Variants in NPLOC4 observed in about 807,000 individuals in gnomAD.
The protein encoded by NPLOC4 is NPL4 homolog, ubiquitin recognition factor, also known as nuclear protein localization protein 4 homolog.
NPLOC4 carries 18 observed loss-of-function variants against 80.6 expected under a neutral mutation model. The ratio of observed to expected loss-of-function variants is 0.22; its 90% CI spans 0.15 to 0.33. The LOEUF (loss-of-function observed/expected upper bound fraction) is 0.33. Ranked by LOEUF, NPLOC4 falls within the 10% of genes least tolerant of loss-of-function variation. The pLI, the probability that NPLOC4 is intolerant of heterozygous loss-of-function variation, is 1.00. For missense variants in NPLOC4, 540 were observed against 786.1 expected, an observed-to-expected ratio of 0.69 and a Z score of 3.74; for synonymous variants, 313 against 301.5, an observed-to-expected ratio of 1.04 and a Z score of -0.39.
At chr17:81,613,240 A>C in intron 4 of NPLOC4, 78 bp downstream of exon 4, 1 of 1,278,064 alleles carries the variant, frequency 7.8e-7, no homozygotes, top group Non-Finnish European at 1.1e-6. Flanking sequence ...TTAAAACAAG[A>C]CATGTTATAA....
At chr17:81,610,618 C>T (rs189371173) in intron 4 of NPLOC4, among the ~76,000 whole-genome samples, 327 of 152,254 alleles carry the variant, frequency 2.1e-3, no homozygotes, top group African/African-American at 7.5e-3. Context: ...AACTGACCCG[C>T]ACATCAAACC....
chr17:81,567,331 G>T lies in NPLOC4; in HGVS notation c.1566+86C>A. On this transcript the variant is annotated intron_variant, in intron 15 of 16. Coordinates refer to ENST00000331134, the MANE Select transcript of NPLOC4 (RefSeq NM_017921.4). This position sits in a 1 kb window ranked among gnomAD's most constrained non-coding sequence, Gnocchi z 4.5. ...GACCCAGTTTCCCAATCATGCTCTG[G>T]TCTGGGAGGAAAGAAAGCAAGACAC... 3.7e-6 allele frequency: 3 copies of T among 815,574 alleles called. No homozygotes were observed. The highest frequency in any genetic ancestry group is 6.2e-6 in the Non-Finnish European group (3 of 483,006). 50.5% of individuals were successfully genotyped at this position (815,574 alleles called of 1,614,324 possible).
intron 9 of NPLOC4, among the ~76,000 whole-genome samples, chr17:81,598,060 A>G (rs1312448235): frequency 6.9e-6 from 1 of 144,666 alleles, no homozygotes; most frequent in Non-Finnish European, 1.5e-5. Flanking sequence ...GCGTCACTGC[A>G]CTCCAGCCTG....
intron 2 of NPLOC4, among the ~76,000 whole-genome samples, chr17:81,627,335 T>C (rs541029513): frequency 6.7e-4 from 99 of 148,818 alleles, no homozygotes; most frequent in African/African-American, 1.9e-3. Flanking sequence ...GAGCTTGCAG[T>C]GAGCCGAGAT....
intron 12 of NPLOC4, among the ~76,000 whole-genome samples, chr17:81,582,726 A>G (rs2034476601): frequency 6.6e-6 from 1 of 152,220 alleles, no homozygotes; most frequent in South Asian, 2.1e-4. Context: ...TTTAAAGGAA[A>G]AGACAGAAGA....
At chr17:81,630,929 T>C (rs1408507335) in intron 1 of NPLOC4, among the ~76,000 whole-genome samples, 1 of 151,934 alleles carries the variant, frequency 6.6e-6, no homozygotes, top group African/African-American at 2.4e-5. Context: ...TCCCAGCACT[T>C]TGGGAGGCCA....
In NPLOC4 at chr17:81,572,211, CAG is replaced by C. The variant is rs2034180371; in HGVS notation, c.1282-125_1282-124del. Reference sequence around the variant, plus strand: ...TTATTTATTTATTTATTTTTTGAGACAGAGTCTTGTGCTGTCGCCCAGGCTGG... The same window carrying C: ...TTATTTATTTATTTATTTTTTGAGACAGTCTTGTGCTGTCGCCCAGGCTGG... On this transcript the variant is annotated intron_variant, in intron 12 of 16. Coordinates refer to ENST00000331134, the MANE Select transcript of NPLOC4 (RefSeq NM_017921.4). The surrounding 1 kb of genome is among the most constrained non-coding windows in gnomAD (Gnocchi z 4.5). 3 of 441,228 alleles carry C rather than the reference CAG, an allele frequency of 6.8e-6. No homozygotes were observed. The highest frequency in any genetic ancestry group is 4.7e-5 in the East Asian group (1 of 21,302). The allele number at this position is 441,228 out of a possible 1,614,324, so 27.3% of individuals were successfully genotyped here.
chr17:81,606,888 G>C, intron 6 of NPLOC4, 74 bp from the exon 7 acceptor site: 1 of 1,405,740 alleles, frequency 7.1e-7, no homozygotes, highest in Non-Finnish European at 9.9e-7. Flanking sequence ...GACATGCTAA[G>C]TATCTTATAC....
At chr17:81,584,006 A>T (rs1011480400) in intron 12 of NPLOC4, among the ~76,000 whole-genome samples, 2 of 152,258 alleles carry the variant, frequency 1.3e-5, no homozygotes, top group African/African-American at 4.8e-5. Context: ...GCTATCCCAG[A>T]GTCCAGCTGT....
At chr17:81,574,329 C>A (rs2034235679) in intron 12 of NPLOC4, among the ~76,000 whole-genome samples, 1 of 152,180 alleles carries the variant, frequency 6.6e-6, no homozygotes, top group Non-Finnish European at 1.5e-5. Context: ...AACTACCCAA[C>A]TGCATCTTTT....
chr17:81,564,119 A>ACACACAC (rs1568114636), intron 16 of NPLOC4: 9 of 164,590 alleles, frequency 5.5e-5, no homozygotes, highest in Non-Finnish European at 9.1e-5. Context: ...CACACACACA[A>ACACACAC]AGAGCAGGGC....
chr17:81,615,878 G>A (rs1474339210), intron 3 of NPLOC4, among the ~76,000 whole-genome samples: 1 of 152,154 alleles, frequency 6.6e-6, no homozygotes, highest in South Asian at 2.1e-4. Context: ...TGTAACTAAA[G>A]GCCTGCTGGG....
chr17:81,601,176 T>C (rs2035048635), intron 8 of NPLOC4, among the ~76,000 whole-genome samples: 1 of 152,184 alleles, frequency 6.6e-6, no homozygotes, highest in Admixed American at 6.5e-5. Flanking sequence ...TATCATTCTA[T>C]GCAGAAACCC....
intron 1 of NPLOC4, among the ~76,000 whole-genome samples, chr17:81,634,960 C>A (rs2036027394): frequency 6.6e-6 from 1 of 152,064 alleles, no homozygotes; most frequent in Non-Finnish European, 1.5e-5. Context: ...AATTTTGGGA[C>A]CCCAAGGTAG....
chr17:81,623,676 C>T (rs1433102516), intron 2 of NPLOC4, among the ~76,000 whole-genome samples: 4 of 150,942 alleles, frequency 2.7e-5, no homozygotes, highest in Non-Finnish European at 5.9e-5. Flanking sequence ...TGGGCGCCTG[C>T]AGTCCCAGCT....
chr17:81,613,190 A>G (rs1248607163), intron 4 of NPLOC4, 128 bp downstream of exon 4: 1 of 741,460 alleles, frequency 1.3e-6, no homozygotes, highest in East Asian at 3.2e-5. Flanking sequence ...ATCTGAAGAT[A>G]GTAAAACTTA....
At chr17:81,606,437 T>C (rs2035205449) in intron 7 of NPLOC4, among the ~76,000 whole-genome samples, 1 of 152,000 alleles carries the variant, frequency 6.6e-6, no homozygotes, top group Non-Finnish European at 1.5e-5. Flanking sequence ...TAAATAATCA[T>C]CAGGAACATT....
chr17:81,574,766 C>T (rs899582886), intron 12 of NPLOC4, among the ~76,000 whole-genome samples: 6 of 152,104 alleles, frequency 3.9e-5, no homozygotes, highest in South Asian at 4.1e-4. Flanking sequence ...GTAATCCCAG[C>T]GCTTTGGGAG....
Position 81,604,543 on chromosome 17 carries a change from T to G in NPLOC4, c.834+5A>C, listed in dbSNP as rs768346457. ...ACTCAGGAACTTGAATCCCGTCATG[T>G]TTACCTGAGGTGGCTCATAAATCGC... On this transcript the variant is annotated splice_donor_5th_base_variant and intron_variant, in intron 8 of 16. Transcript: ENST00000331134. The G allele has an allele frequency of 1.9e-6, 3 of 1,610,812 alleles. No individual in the cohort carries two copies. Among genetic ancestry groups the G allele is most frequent in the Non-Finnish European group, 2.5e-6 (3 of 1,178,686 alleles).
Sources: gnomAD v4.1 joint callset for allele counts (sites outside exome capture counted in the v4.1 genomes callset) on GRCh38, gnomAD v4.1.1 for gene constraint, Gnocchi (gnomAD v3.1) non-coding constraint, MANE v1.5 for transcripts, NCBI Gene and HGNC (gene_info 2026-07-23, HGNC 2026-07-21) for gene names.